PCDH15: variants seen among roughly 807,000 people sequenced by gnomAD.
The protein encoded by PCDH15 is protocadherin related 15.
PCDH15 carries 129 observed loss-of-function variants against 178.5 expected under a neutral mutation model. The ratio of observed to expected loss-of-function variants is 0.72; its 90% CI spans 0.63 to 0.84. PCDH15 has a LOEUF of 0.84. Ranked by LOEUF, PCDH15 falls within the 40% of genes least tolerant of loss-of-function variation. The pLI is 0.00. For synonymous variants in PCDH15, 800 were observed against 732.0 expected (o/e 1.09, Z -1.50); for missense variants, 2,230 against 2,099.9 (o/e 1.06, Z -1.21).
chr10:55,041,179 A>G (rs919778102), intron 2 of PCDH15, among the ~76,000 whole-genome samples: 2 of 152,152 alleles, frequency 1.3e-5, no homozygotes, highest in African/African-American at 2.4e-5. Context: ...TATTTTACAT[A>G]TCAGCTATTT....
chr10:54,737,945 C>T (rs544027836), intron 1 of PCDH15, among the ~76,000 whole-genome samples: 33 of 152,112 alleles, frequency 2.2e-4, no homozygotes, highest in African/African-American at 7.2e-4. Context: ...CATGTTTACT[C>T]GGGTGGCCAG....
At chr10:55,538,559 TTCC>T (rs1310297119) in intron 2 of PCDH15, among the ~76,000 whole-genome samples, 1 of 108,952 alleles carries the variant, frequency 9.2e-6, no homozygotes, top group African/African-American at 3.6e-5. Context: ...CCTTCCTCCT[TTCC>T]TTCCTTCCTT....
At chr10:54,440,095 T>C (rs533697631) in intron 3 of PCDH15, among the ~76,000 whole-genome samples, 13 of 152,114 alleles carry the variant, frequency 8.5e-5, no homozygotes, top group South Asian at 6.2e-4. Flanking sequence ...GAATGGATGC[T>C]GGCAATTGAC....
chr10:54,443,757 G>C (rs1363978199), intron 3 of PCDH15, among the ~76,000 whole-genome samples: 1 of 151,610 alleles, frequency 6.6e-6, no homozygotes, highest in African/African-American at 2.4e-5. Flanking sequence ...GTGGATTACT[G>C]TCTTCTTTAT....
intron 1 of PCDH15, among the ~76,000 whole-genome samples, chr10:54,773,993 G>A (rs1345154194): frequency 7.4e-6 from 1 of 134,690 alleles, no homozygotes; most frequent in African/African-American, 2.8e-5. Context: ...AGATGAACTG[G>A]CATACTTCAT....
At chr10:54,980,995 T>C (rs1303653121) in intron 2 of PCDH15, among the ~76,000 whole-genome samples, 1 of 152,062 alleles carries the variant, frequency 6.6e-6, no homozygotes, top group Non-Finnish European at 1.5e-5. Context: ...CCCAAGTTCA[T>C]TTGGGCCACT....
chr10:54,730,364 C>T (rs1260970262), intron 1 of PCDH15, among the ~76,000 whole-genome samples: 2 of 151,504 alleles, frequency 1.3e-5, no homozygotes, highest in Admixed American at 6.6e-5. Context: ...CACATGGATA[C>T]AGACAAAGGA....
intron 8 of PCDH15, 146 bp from the exon 9 acceptor site, chr10:54,237,077 A>C: frequency 4.0e-6 from 3 of 752,858 alleles, no homozygotes; most frequent in Admixed American, 2.0e-5. Context: ...ACCTTTTACT[A>C]GTTAATTTTG....
Position 55,018,091 on chromosome 10 carries a change from G to T in PCDH15, c.-79-120591C>A, listed in dbSNP as rs560077472. 1.6e-4 allele frequency among the ~76,000 whole-genome samples: 24 copies of T among 152,172 alleles called. No homozygotes were observed. The South Asian group carries it at 4.8e-3, about 30-fold the overall frequency. ...AATGTTATTTTCAAATAAACTTGAG[G>T]TAAGAAGAAATTTGTCTTGAAGAGT... On this transcript the variant is annotated intron_variant, in intron 2 of 5. Transcript: ENST00000458638.
intron 1 of PCDH15, among the ~76,000 whole-genome samples, chr10:55,179,572 A>AC (rs35482636): frequency 0.62 from 94,139 of 151,590 alleles, 29,716 homozygotes; most frequent in East Asian, 0.67. Context: ...GCCCATAGAA[A>AC]CCTGGACTCA....
chr10:55,174,826 A>G (rs1839432782), intron 1 of PCDH15, among the ~76,000 whole-genome samples: 1 of 152,158 alleles, frequency 6.6e-6, no homozygotes, highest in Non-Finnish European at 1.5e-5. Context: ...ATGCCTTGTG[A>G]ATATGGCCCT....
chr10:55,182,584 T>G (rs1291332130), intron 1 of PCDH15, among the ~76,000 whole-genome samples: 1 of 151,984 alleles, frequency 6.6e-6, no homozygotes, highest in Non-Finnish European at 1.5e-5. Flanking sequence ...TGTTGTTAGA[T>G]TAAATGAATT....
intron 3 of PCDH15, among the ~76,000 whole-genome samples, chr10:54,454,234 C>T (rs888516393): frequency 8.7e-5 from 13 of 148,860 alleles, no homozygotes; most frequent in Admixed American, 6.1e-4. Flanking sequence ...CTCAATAAGG[C>T]AAATACACAA....
chr10:54,456,409 A>C lies in PCDH15; in HGVS notation c.157+71403T>G, dbSNP rs546529935. ...ACTGTCCTATTGGATTCTGGGCTTG[A>C]ATGGGGCCTGAAGCCCCTTTGTGTT... On this transcript the variant is annotated intron_variant, in intron 3 of 37. Transcript: ENST00000644397. Among the ~76,000 whole-genome samples the C allele has an allele frequency of 2.0e-5, 3 of 152,186 alleles. 1 individual carries two copies. Among genetic ancestry groups the C allele is most frequent in the Admixed American group, 6.5e-5 (1 of 15,290 alleles).
At chr10:55,192,919 T>A (rs1262673799) in intron 1 of PCDH15, among the ~76,000 whole-genome samples, 2 of 151,108 alleles carry the variant, frequency 1.3e-5, no homozygotes, top group African/African-American at 4.9e-5. Context: ...AATTAAAATA[T>A]AGAGAAAAAA....
At chr10:53,844,014 G>A (rs771777258) in intron 28 of PCDH15, among the ~76,000 whole-genome samples, 2 of 151,640 alleles carry the variant, frequency 1.3e-5, no homozygotes, top group African/African-American at 4.8e-5. Flanking sequence ...ATATCATTGA[G>A]ACTTTGATAT....
chr10:54,836,356 G>A (rs574797070), intron 3 of PCDH15, among the ~76,000 whole-genome samples: 2 of 152,052 alleles, frequency 1.3e-5, no homozygotes, highest in Non-Finnish European at 2.9e-5. Context: ...ATAAAATCTC[G>A]ATCTTGTTAC....
intron 3 of PCDH15, among the ~76,000 whole-genome samples, chr10:54,391,331 T>C (rs372404432): frequency 6.6e-6 from 1 of 152,118 alleles, no homozygotes; most frequent in East Asian, 1.9e-4. Flanking sequence ...AAGGAGTTTA[T>C]GCATGGATCC....
chr10:54,513,072 A>T (rs1316049623), intron 3 of PCDH15, among the ~76,000 whole-genome samples: 2 of 152,066 alleles, frequency 1.3e-5, no homozygotes, highest in East Asian at 1.9e-4. Context: ...GAATAATCAG[A>T]TTTTTCATTT....
Sources: gnomAD v4.1 joint callset for allele counts (sites outside exome capture counted in the v4.1 genomes callset) on GRCh38, gnomAD v4.1.1 for gene constraint, MANE v1.5 for transcripts, NCBI Gene and HGNC (gene_info 2026-07-23, HGNC 2026-07-21) for gene names.